Variants in TNRC6A observed in about 807,000 individuals in gnomAD.
The protein encoded by TNRC6A is trinucleotide repeat-containing gene 6A protein.
In TNRC6A, 44 loss-of-function variants were observed where a neutral mutation model predicts 221.2. That is an observed-to-expected ratio of 0.20 (90% CI 0.16 to 0.26). The LOEUF is 0.26. Among genes scored for constraint, TNRC6A ranks in the 10% least tolerant of loss-of-function variants. The pLI is 1.00. For missense variants in TNRC6A, 2,199 were observed against 2,404.4 expected (o/e 0.91, Z 1.79); for synonymous variants, 847 against 838.5 (o/e 1.01, Z -0.18).
chr16:24,819,707 T>TCGGTGGGCG, intron 21 of TNRC6A: 1 of 209,334 alleles, frequency 4.8e-6, no homozygotes, highest in Non-Finnish European at 9.6e-6. Context: ...CGTGAAGATC[T>TCGGTGGGCG]CCTTTGGCAG....
chr16:24,619,266 C>T (rs1442699361), intron 1 of TNRC6A, among the ~76,000 whole-genome samples: 1 of 152,110 alleles, frequency 6.6e-6, no homozygotes, highest in East Asian at 1.9e-4. Flanking sequence ...CATCGTGGGT[C>T]TCACTCTCAG....
chr16:24,722,507 C>A (rs2056427324), intron 2 of TNRC6A, among the ~76,000 whole-genome samples: 1 of 152,040 alleles, frequency 6.6e-6, no homozygotes, highest in African/African-American at 2.4e-5. Flanking sequence ...ATGATCTTGG[C>A]TCACTGTAAC....
chr16:24,704,158 G>C (rs1005099220), intron 2 of TNRC6A, among the ~76,000 whole-genome samples: 1 of 151,282 alleles, frequency 6.6e-6, no homozygotes, highest in African/African-American at 2.4e-5. Flanking sequence ...GCAGTGGCAC[G>C]ATCTCAGCTC....
chr16:24,787,026 G>A (rs2057988468), intron 5 of TNRC6A, among the ~76,000 whole-genome samples: 1 of 152,178 alleles, frequency 6.6e-6, no homozygotes, highest in Non-Finnish European at 1.5e-5. Flanking sequence ...TAGGCACAGA[G>A]ATTGAGGATC....
At chr16:24,815,123 T>A in intron 18 of TNRC6A, 24 bp from the exon 19 acceptor site, 1 of 1,600,504 alleles carries the variant, frequency 6.2e-7, no homozygotes, top group East Asian at 2.2e-5. Flanking sequence ...TGCTCACATT[T>A]CTCTATTATT....
chr16:24,679,696 C>T (rs1003029237), intron 2 of TNRC6A, among the ~76,000 whole-genome samples: 2 of 151,700 alleles, frequency 1.3e-5, no homozygotes, highest in East Asian at 1.9e-4. Flanking sequence ...AGGCTGGTCT[C>T]GAACTCCTGA....
At chr16:24,807,194 G>T (rs890324154) in intron 17 of TNRC6A, among the ~76,000 whole-genome samples, 1 of 151,902 alleles carries the variant, frequency 6.6e-6, no homozygotes, top group Non-Finnish European at 1.5e-5. Flanking sequence ...TAATAGATTT[G>T]GGGTTTCACC....
At chr16:24,656,323 T>C (rs2054910634) in intron 2 of TNRC6A, among the ~76,000 whole-genome samples, 1 of 151,070 alleles carries the variant, frequency 6.6e-6, no homozygotes. Flanking sequence ...AAAAATTAGC[T>C]GGGCATGGTG....
At chr16:24,783,869 A>T (rs1456847184) in intron 5 of TNRC6A, among the ~76,000 whole-genome samples, 1 of 152,214 alleles carries the variant, frequency 6.6e-6, no homozygotes, top group Non-Finnish European at 1.5e-5. Context: ...GAAATAAATT[A>T]TTTGACTTCT....
intron 2 of TNRC6A, among the ~76,000 whole-genome samples, chr16:24,697,931 C>T (rs976101710): frequency 1.0e-4 from 15 of 149,598 alleles, no homozygotes; most frequent in Admixed American, 6.1e-4. Flanking sequence ...TCCCAGCTAT[C>T]GGAAGACTGA....
chr16:24,687,978 G>T (rs1351983856), intron 2 of TNRC6A, among the ~76,000 whole-genome samples: 1 of 130,936 alleles, frequency 7.6e-6, no homozygotes, highest in Non-Finnish European at 1.6e-5. Flanking sequence ...TGTCGCCCAG[G>T]CTAGAGTGCA....
In TNRC6A at chr16:24,785,116, G is replaced by C. The variant is rs892624613; in HGVS notation, c.590-4116G>C. Among the ~76,000 whole-genome samples the C allele has an allele frequency of 7.2e-5, 11 of 152,148 alleles. No individual in the cohort carries two copies. In the South Asian group the frequency reaches 2.3e-3, roughly 32 times the overall value. ...AAATAGTATCTTTGACATATACTTG[G>C]ATCTGTTTCTGGGTTACTTTTTCTG... On this transcript the variant is annotated intron_variant, in intron 5 of 24. Transcript: ENST00000395799.
intron 4 of TNRC6A, among the ~76,000 whole-genome samples, chr16:24,766,571 A>G (rs1251632663): frequency 1.3e-5 from 2 of 151,952 alleles, no homozygotes; most frequent in East Asian, 3.9e-4. Flanking sequence ...TGAGGATGGG[A>G]TCTATCAACT....
At chr16:24,818,779 C>T (rs551364174) in intron 21 of TNRC6A, 79 bp downstream of exon 21, 15 of 1,056,224 alleles carry the variant, frequency 1.4e-5, no homozygotes, top group African/African-American at 3.1e-5. Flanking sequence ...CCTCTTCTTT[C>T]GTCCAGTCTT....
intron 22 of TNRC6A, 141 bp downstream of exon 22, chr16:24,820,501 T>A: frequency 1.4e-6 from 1 of 733,330 alleles, no homozygotes. Flanking sequence ...GGTAAACAAA[T>A]GATCCACCCA....
chr16:24,787,922 G>C (rs7186995), intron 5 of TNRC6A, among the ~76,000 whole-genome samples: 91,190 of 152,022 alleles, frequency 0.6, 27,694 homozygotes, highest in African/African-American at 0.69. Context: ...CTGCCTTGAA[G>C]ATATATACTT....
At chr16:24,764,914 T>C (rs183191264) in intron 4 of TNRC6A, among the ~76,000 whole-genome samples, 3 of 152,330 alleles carry the variant, frequency 2.0e-5, no homozygotes, top group Non-Finnish European at 4.4e-5. Context: ...AGTAAGAGAT[T>C]AACAACTAAT....
chr16:24,751,849 T>C (rs192206493), intron 3 of TNRC6A, among the ~76,000 whole-genome samples: 1 of 152,168 alleles, frequency 6.6e-6, no homozygotes, highest in African/African-American at 2.4e-5. Flanking sequence ...GAGAGGTGCA[T>C]AACTCAGGCT....
chr16:24,758,223 C>A lies in TNRC6A; in HGVS notation c.142-116C>A, dbSNP rs371611818. The A allele has an allele frequency of 3.9e-5, 40 of 1,021,166 alleles. No individual in the cohort carries two copies. In the East Asian group the frequency reaches 9.1e-4, roughly 23 times the overall value. 63.3% of individuals were successfully genotyped at this position (1,021,166 alleles called of 1,614,324 possible). ...GTGCAGTTCATCTATTTGAGAAATT[C>A]CTTGTTTAATAAAGGTGTATATGTC... On this transcript the variant is annotated intron_variant, in intron 3 of 24. Transcript: ENST00000395799.
Sources: gnomAD v4.1 joint callset for allele counts (sites outside exome capture counted in the v4.1 genomes callset) on GRCh38, gnomAD v4.1.1 for gene constraint, MANE v1.5 for transcripts, NCBI Gene and HGNC (gene_info 2026-07-23, HGNC 2026-07-21) for gene names.